Variants in SHISA9 observed in about 807,000 individuals in gnomAD.
SHISA9 encodes protein shisa-9.
A neutral mutation model predicts 38.0 loss-of-function variants in SHISA9; 13 were observed. The observed-to-expected ratio is 0.34, with a 90% CI of 0.22 to 0.54. SHISA9 has a LOEUF of 0.54. Ranked by LOEUF, SHISA9 falls within the 20% of genes least tolerant of loss-of-function variation. SHISA9 has a pLI of 0.91. For missense variants in SHISA9, 538 were observed against 575.8 expected (o/e 0.93, Z 0.67); for synonymous variants, 275 against 242.0 (o/e 1.14, Z -1.27).
At chr16:13,344,340 G>T in the SHISA9 span, among the ~76,000 whole-genome samples, 2 of 152,150 alleles carry the variant, frequency 1.3e-5, no homozygotes, top group Non-Finnish European at 2.9e-5. Flanking sequence ...AAAGGTTTGT[G>T]TGTGTATAGG....
At chr16:13,314,431 G>A in the SHISA9 span, among the ~76,000 whole-genome samples, 4 of 151,792 alleles carry the variant, frequency 2.6e-5, no homozygotes, top group African/African-American at 9.7e-5. Flanking sequence ...GTAGAGACAG[G>A]GTTTCACCGT....
At chr16:13,355,370 T>A in the SHISA9 span, among the ~76,000 whole-genome samples, 1 of 151,558 alleles carries the variant, frequency 6.6e-6, no homozygotes, top group South Asian at 2.1e-4. Context: ...GGTGCATGAT[T>A]GGTCACCAAG....
At chr16:13,269,736 A>G in the SHISA9 span, among the ~76,000 whole-genome samples, 1 of 152,210 alleles carries the variant, frequency 6.6e-6, no homozygotes, top group African/African-American at 2.4e-5. Flanking sequence ...ATGGATAAAG[A>G]GAAAGAATTT....
intron 4 of SHISA9, among the ~76,000 whole-genome samples, chr16:13,222,739 G>A (rs74014609): frequency 1.3e-5 from 2 of 151,730 alleles, no homozygotes; most frequent in South Asian, 2.1e-4. Context: ...CTGAGTTTTC[G>A]CAAGCCTTGT....
At chr16:13,222,122 T>C (rs920231709) in intron 4 of SHISA9, among the ~76,000 whole-genome samples, 7 of 152,168 alleles carry the variant, frequency 4.6e-5, no homozygotes, top group African/African-American at 1.7e-4. Flanking sequence ...CTCATGAGAC[T>C]TATTCATTAT....
chr16:13,027,576 TG>T (rs1263995961), intron 2 of SHISA9, among the ~76,000 whole-genome samples: 1 of 151,966 alleles, frequency 6.6e-6, no homozygotes, highest in African/African-American at 2.4e-5. Flanking sequence ...AAACAAACTG[TG>T]GTACATCCAC....
chr16:13,327,340 G>A, the SHISA9 span, among the ~76,000 whole-genome samples: 18 of 152,226 alleles, frequency 1.2e-4, no homozygotes, highest in African/African-American at 2.6e-4. Context: ...GCATAGCCAC[G>A]TGCGGTGTCT....
At chr16:13,315,260 G>C in the SHISA9 span, among the ~76,000 whole-genome samples, 1 of 152,212 alleles carries the variant, frequency 6.6e-6, no homozygotes. Flanking sequence ...CTACCTCCCT[G>C]TCTTTAAAAG....
At chr16:13,262,470 T>G in the SHISA9 span, among the ~76,000 whole-genome samples, 3 of 152,202 alleles carry the variant, frequency 2.0e-5, no homozygotes, top group Non-Finnish European at 2.9e-5. Context: ...CTTATCAGGT[T>G]GTATCACACT....
At chr16:13,336,489 C>G in the SHISA9 span, among the ~76,000 whole-genome samples, 3 of 152,170 alleles carry the variant, frequency 2.0e-5, no homozygotes, top group Non-Finnish European at 4.4e-5. Flanking sequence ...ATTCTGATCC[C>G]AGAAAGGAAT....
In SHISA9 at chr16:13,002,815, G is replaced by T. The variant is rs539955835; in HGVS notation, c.691+86000G>T. ...CCCAAAGTGTTAGGATTACAGGCAT[G>T]AGCCACTGTGCCCAGCCAGTTCCTG... On this transcript the variant is annotated intron_variant, in intron 2 of 4. Transcript: ENST00000558583. Among the ~76,000 whole-genome samples the T allele has an allele frequency of 6.6e-5, 10 of 152,286 alleles. No individual in the cohort carries two copies. The East Asian group carries it at 1.9e-3, about 29-fold the overall frequency.
chr16:13,271,260 C>T, the SHISA9 span, among the ~76,000 whole-genome samples: 3 of 152,140 alleles, frequency 2.0e-5, no homozygotes, highest in African/African-American at 7.2e-5. Flanking sequence ...CAAACATTAC[C>T]TGTTGGACTC....
chr16:13,395,339 C>T, the SHISA9 span, among the ~76,000 whole-genome samples: 2 of 152,152 alleles, frequency 1.3e-5, no homozygotes, highest in Admixed American at 1.3e-4. Context: ...GAAAGGTTGC[C>T]AATCTAATGA....
chr16:12,948,650 C>A (rs1470941816), intron 2 of SHISA9, among the ~76,000 whole-genome samples: 1 of 152,062 alleles, frequency 6.6e-6, no homozygotes, highest in East Asian at 1.9e-4. Context: ...AAACAAGCTC[C>A]CTAGGATCTG....
chr16:13,187,233 AC>A (rs2050833431), intron 2 of SHISA9, among the ~76,000 whole-genome samples: 1 of 151,366 alleles, frequency 6.6e-6, no homozygotes, highest in Non-Finnish European at 1.5e-5. Flanking sequence ...GCTCTGCATG[AC>A]CCATTCTGTC....
chr16:12,933,189 A>G (rs1414866056), intron 2 of SHISA9, among the ~76,000 whole-genome samples: 1 of 152,170 alleles, frequency 6.6e-6, no homozygotes, highest in Non-Finnish European at 1.5e-5. Context: ...TTATTCTTTT[A>G]TATTCTCTAA....
intron 2 of SHISA9, among the ~76,000 whole-genome samples, chr16:13,184,704 T>C (rs557494485): frequency 6.6e-6 from 1 of 152,338 alleles, no homozygotes; most frequent in East Asian, 1.9e-4. Flanking sequence ...ATAAATTGAA[T>C]CAGACAGTAT....
At chr16:12,908,340 G>C in intron 1 of SHISA9, 1 of 1,351,024 alleles carries the variant, frequency 7.4e-7, no homozygotes, top group Non-Finnish European at 9.9e-7. Context: ...TAGGAGGGAG[G>C]GTCTATATGT....
At chr16:13,380,645 A>G in the SHISA9 span, among the ~76,000 whole-genome samples, 1 of 152,202 alleles carries the variant, frequency 6.6e-6, no homozygotes, top group Non-Finnish European at 1.5e-5. Flanking sequence ...GACAGAAATA[A>G]TAACTTTTCT....
Sources: gnomAD v4.1 joint callset for allele counts (sites outside exome capture counted in the v4.1 genomes callset) on GRCh38, gnomAD v4.1.1 for gene constraint, MANE v1.5 for transcripts, NCBI Gene and HGNC (gene_info 2026-07-23, HGNC 2026-07-21) for gene names.